The following TUBGCP6 variants were observed in gnomAD, a reference collection of about 807,000 sequenced individuals.
TUBGCP6 encodes the protein tubulin gamma complex component 6.
Under a neutral mutation model 175.8 loss-of-function variants are expected in TUBGCP6, and 161 were observed. That is an observed-to-expected ratio of 0.92 (90% CI 0.81 to 1.04). The LOEUF is 1.04. Among genes scored for constraint, TUBGCP6 ranks in the 50% least tolerant of loss-of-function variants. TUBGCP6 has a pLI of 0.00. For missense variants in TUBGCP6, 2,572 were observed against 2,433.0 expected (o/e 1.06, Z -1.20); for synonymous variants, 1,173 against 1,030.5 (o/e 1.14, Z -2.65).
intron 4 of TUBGCP6, among the ~76,000 whole-genome samples, chr22:50,228,419 G>A (rs915924251): frequency 1.3e-5 from 2 of 152,122 alleles, no homozygotes; most frequent in Admixed American, 1.3e-4. Context: ...CGTGCTCTGT[G>A]CACAGACACT....
chr22:50,217,760 G>A lies in TUBGCP6; in HGVS notation c.5436C>T (p.Phe1812=). 1 of 1,614,098 alleles carries A rather than the reference G, an allele frequency of 6.2e-7. No individual in the cohort carries two copies. The highest frequency in any genetic ancestry group is 8.5e-7 in the Non-Finnish European group (1 of 1,180,016). The change falls in exon 25 of 25, where the codon TTC becomes TTT. Residue 1812 remains phenylalanine, a synonymous_variant. Coordinates refer to ENST00000248846, the MANE Select transcript of TUBGCP6 (RefSeq NM_020461.4). ...HLEDFLLRIN[F]NNYYQDA is the part of the protein sequence containing the mutation. ...CTCAGGCGTCCTGGTAGTAGTTGTT[G>A]AAGTTGATGCGCAGCAGAAAGTCCT...
In TUBGCP6 at chr22:50,217,835, C is replaced by T. The variant is rs1427310796; in HGVS notation, c.5369-8G>A. On this transcript the variant is annotated splice_region_variant and splice_polypyrimidine_tract_variant and intron_variant, in intron 24 of 24. Coordinates refer to ENST00000248846, the MANE Select transcript of TUBGCP6 (RefSeq NM_020461.4). Reference sequence around the variant, plus strand: ...TCACCAGCTTGGTCACCACTGGGGACCAGCGAGCAGCTCAGGCTTTTGCCC... The same window carrying T: ...TCACCAGCTTGGTCACCACTGGGGATCAGCGAGCAGCTCAGGCTTTTGCCC... 6.2e-7 allele frequency: 1 copy of T among 1,613,302 alleles called. No homozygotes were observed. The highest frequency in any genetic ancestry group is 8.5e-7 in the Non-Finnish European group (1 of 1,179,794).
intron 2 of TUBGCP6, among the ~76,000 whole-genome samples, chr22:50,239,696 C>T (rs568762805): frequency 2.6e-5 from 4 of 152,210 alleles, no homozygotes; most frequent in Admixed American, 6.5e-5. Flanking sequence ...CCTCCAGACA[C>T]GGACGGAAAA....
intron 3 of TUBGCP6, 92 bp downstream of exon 3, chr22:50,233,224 G>A: frequency 6.9e-7 from 1 of 1,447,550 alleles, no homozygotes; most frequent in South Asian, 1.3e-5. Flanking sequence ...TCCCTGCACT[G>A]GGGCTTGTTC....
At chr22:50,238,089 C>A (rs185559761) in intron 2 of TUBGCP6, among the ~76,000 whole-genome samples, 3 of 151,394 alleles carry the variant, frequency 2.0e-5, no homozygotes, top group Non-Finnish European at 4.4e-5. Flanking sequence ...GCCAAGATTG[C>A]GCCATTGCAC....
intron 10 of TUBGCP6, among the ~76,000 whole-genome samples, chr22:50,225,051 G>GCCCCCCCACCCCCCC (rs546969235): frequency 7.8e-6 from 1 of 128,548 alleles, no homozygotes; most frequent in Non-Finnish European, 1.6e-5. Context: ...GCAGGACACC[G>GCCCCCCCACCCCCCC]CCCCCCCGCC....
chr22:50,218,427 G>A lies in TUBGCP6; in HGVS notation c.4955-25C>T, dbSNP rs550598356. 16 of 1,612,856 alleles carry A rather than the reference G, an allele frequency of 9.9e-6. No homozygotes were observed. The African/African-American group carries it at 1.1e-4, about 11-fold the overall frequency. ...GCTGGCGGAGGGCAGAAGGCAGAGG[G>A]CAGAGGTGAGCGCAGCCTCCAGCCA... On this transcript the variant is annotated intron_variant, in intron 22 of 24. Transcript: ENST00000248846.
Position 50,229,584 on chromosome 22 carries a change from A to G in TUBGCP6, c.1117-7T>C, listed in dbSNP as rs749098509. On this transcript the variant is annotated splice_polypyrimidine_tract_variant and splice_region_variant and intron_variant, in intron 3 of 24. Transcript: ENST00000248846. The stretch of plus-strand genomic sequence containing the variant: ...CCACAAAGGCCTGGGCCGGCTGCAC[A>G]GGGGCAGAGGACACTGGTCACAGAG... 6.3e-7 allele frequency: 1 copy of G among 1,579,910 alleles called. No homozygotes were observed. The highest frequency in any genetic ancestry group is 8.6e-7 in the Non-Finnish European group (1 of 1,163,760).
intron 16 of TUBGCP6, 106 bp from the exon 17 acceptor site, chr22:50,220,121 C>T: frequency 6.5e-7 from 1 of 1,548,710 alleles, no homozygotes; most frequent in South Asian, 1.2e-5. Context: ...TCCCCCACAG[C>T]AGCCCAGGTC....
chr22:50,219,149 C>G lies in TUBGCP6; in HGVS notation c.4545G>C (p.Ala1515=), dbSNP rs556127470. 1 of 1,612,886 alleles carries G rather than the reference C, an allele frequency of 6.2e-7. No homozygotes were observed. The highest frequency in any genetic ancestry group is 1.7e-5 in the Admixed American group (1 of 60,010). Residue 1515 remains alanine, a synonymous_variant, in exon 20 of 25, where the codon GCG becomes GCC. Coordinates refer to ENST00000248846, the MANE Select transcript of TUBGCP6 (RefSeq NM_020461.4). Reference sequence around the variant, plus strand: ...GGAAGTGCCGCAGTGCCTCATAGTGCGCCTCCAGGTGCAGCTCCACGAAGA... The same window carrying G: ...GGAAGTGCCGCAGTGCCTCATAGTGGGCCTCCAGGTGCAGCTCCACGAAGA... ...DYFFVELHLE[A]HYEALRHFLL... is the part of the protein sequence containing the mutation.
rs749584587 is a variant in TUBGCP6, at chr22:50,219,189, G to A, written c.4505C>T (p.Ala1502Val). The A allele has an allele frequency of 1.9e-6, 3 of 1,611,394 alleles. No homozygotes were observed. The highest frequency in any genetic ancestry group is 2.7e-5 in the African/African-American group (2 of 74,946). ...CTCCACGAAGAAGTAGTCGACAGCG[G>A]CCTTGTTCACCAAGGAGATGCTGGC... ...LAAHISLVNK[A>V]AVDYFFVELH... Residue 1502 changes from alanine to valine, a missense_variant, in exon 20 of 25, where the codon GCC (alanine) becomes GTC (valine). Ala to Val is a moderately conservative substitution (Grantham distance 64). Coordinates refer to ENST00000248846, the MANE Select transcript of TUBGCP6 (RefSeq NM_020461.4).
At chr22:50,228,927 TGCA>T (rs539955249) in intron 4 of TUBGCP6, among the ~76,000 whole-genome samples, 6 of 152,264 alleles carry the variant, frequency 3.9e-5, no homozygotes, top group South Asian at 2.1e-4. Flanking sequence ...CCACTCAAGG[TGCA>T]GCCCCTGTCC....
chr22:50,218,175 T>C lies in TUBGCP6; in HGVS notation c.5168+14A>G. On this transcript the variant is annotated intron_variant, in intron 23 of 24. Transcript: ENST00000248846. ...GCCGTGACCACAGGGACGCAGCCGCTGCCCAGGCCTCACCTGAAGACGGCC... is the reference window on the plus strand; with the variant it reads ...GCCGTGACCACAGGGACGCAGCCGCCGCCCAGGCCTCACCTGAAGACGGCC... 1 of 1,610,178 alleles carries C rather than the reference T, an allele frequency of 6.2e-7. No individual in the cohort carries two copies. Among genetic ancestry groups the C allele is most frequent in the Non-Finnish European group, 8.5e-7 (1 of 1,178,608 alleles).
chr22:50,239,543 G>A (rs1185886659), intron 2 of TUBGCP6, among the ~76,000 whole-genome samples: 1 of 152,204 alleles, frequency 6.6e-6, no homozygotes, highest in Non-Finnish European at 1.5e-5. Flanking sequence ...AAGACTCTGA[G>A]AGGTGCTGAG....
rs2064520003 is a variant in TUBGCP6, at chr22:50,221,354, G to A, written c.3005C>T (p.Thr1002Ile). ...CCTGGGTGGGTGTGAGGGGAGCAGA[G>A]TCTCCCGCGAGGCGGAGCCACAGGC... ...MDACGSASRE[T>I]LLPSHPPRRA... Residue 1002 changes from threonine to isoleucine, a missense_variant, in exon 16 of 25, where the codon ACT becomes ATT. By Grantham distance (89) the Thr-to-Ile change is moderately conservative. Transcript: ENST00000248846. The A allele has an allele frequency of 1.2e-6, 2 of 1,612,198 alleles. No individual in the cohort carries two copies. The highest frequency in any genetic ancestry group is 1.7e-6 in the Non-Finnish European group (2 of 1,179,900).
chr22:50,226,754 G>T lies in TUBGCP6; in HGVS notation c.1580C>A (p.Thr527Asn). 6.3e-7 allele frequency: 1 copy of T among 1,589,278 alleles called. No individual in the cohort carries two copies. The highest frequency in any genetic ancestry group is 8.6e-7 in the Non-Finnish European group (1 of 1,168,788). The change falls in exon 7 of 25, where the codon ACC (threonine) becomes AAC (asparagine). Residue 527 changes from threonine to asparagine, a missense_variant. Physicochemically the swap from Thr to Asn is moderately conservative, Grantham distance 65. Transcript: ENST00000248846. ...HYPVLLSLLK[T>N]SCEPYTRFIH... ...CCACCGGGTGTAGGGCTCGCAGCTG[G>T]TCTTCAGCAGGGACAGCAGTACAGG... is the stretch of plus-strand genomic sequence containing the variant.
chr22:50,224,488 AG>A, intron 11 of TUBGCP6, 22 bp downstream of exon 11: 1 of 1,614,178 alleles, frequency 6.2e-7, no homozygotes, highest in Non-Finnish European at 8.5e-7. Flanking sequence ...GAACTGCAGA[AG>A]GGAGGACTTG....
At chr22:50,218,442 G>C in intron 22 of TUBGCP6, 40 bp from the exon 23 acceptor site, 2 of 1,612,886 alleles carry the variant, frequency 1.2e-6, no homozygotes, top group Admixed American at 1.7e-5. Context: ...GGTGAGCGCA[G>C]CCTCCAGCCA....
At chr22:50,226,459 G>A (rs541865329) in intron 7 of TUBGCP6, 81 bp from the exon 8 acceptor site, 10 of 1,356,500 alleles carry the variant, frequency 7.4e-6, no homozygotes, top group African/African-American at 7.2e-5. Flanking sequence ...GGTGGGACAG[G>A]GGCGTGGCTG....
Sources: allele counts gnomAD v4.1 joint callset (sites outside exome capture counted in the v4.1 genomes callset), GRCh38; gene constraint gnomAD v4.1.1; transcripts MANE v1.5; gene names NCBI Gene and HGNC (gene_info 2026-07-23, HGNC 2026-07-21).